ELOVL5: variants seen among roughly 807,000 people sequenced by gnomAD.
ELOVL5 encodes ELOVL fatty acid elongase 5.
Under a neutral mutation model 38.6 loss-of-function variants are expected in ELOVL5, and 8 were observed. The observed-to-expected ratio is 0.21, with a 90% CI of 0.12 to 0.37. The LOEUF (loss-of-function observed/expected upper bound fraction) is 0.37. ELOVL5 is among the 10% of genes least tolerant of loss of function. The probability of loss-of-function intolerance (pLI) is 1.00; values close to 1 mark genes in which losing one functional copy is unlikely to be tolerated. For synonymous variants in ELOVL5, 127 were observed against 133.7 expected (o/e 0.95, Z 0.34); for missense variants, 280 against 367.8 (o/e 0.76, Z 1.95).
intron 1 of ELOVL5, among the ~76,000 whole-genome samples, chr6:53,341,429 A>C (rs779777339): frequency 6.6e-6 from 1 of 152,212 alleles, no homozygotes; most frequent in African/African-American, 2.4e-5. Context: ...GGCCAAGATT[A>C]GAGTCTTTAA....
chr6:53,287,735 G>A (rs1022278159), intron 3 of ELOVL5: 9 of 781,736 alleles, frequency 1.2e-5, no homozygotes, highest in Admixed American at 8.6e-5. Flanking sequence ...TGGGGTTTGA[G>A]TAGAGCTCAG....
chr6:53,348,035 G>A (rs1347918188), intron 1 of ELOVL5, among the ~76,000 whole-genome samples: 3 of 129,828 alleles, frequency 2.3e-5, no homozygotes, highest in Non-Finnish European at 5.0e-5. Flanking sequence ...CCCCCGCCGC[G>A]CGCCTCCCTC....
intron 3 of ELOVL5, among the ~76,000 whole-genome samples, chr6:53,288,386 T>C (rs913809889): frequency 6.6e-6 from 1 of 152,218 alleles, no homozygotes; most frequent in African/African-American, 2.4e-5. Flanking sequence ...TTCTCTTCTA[T>C]AACCTGGAAT....
At chr6:53,297,269 A>C (rs1034369334) in intron 1 of ELOVL5, among the ~76,000 whole-genome samples, 3 of 152,148 alleles carry the variant, frequency 2.0e-5, no homozygotes, top group African/African-American at 7.2e-5. Context: ...GCAATCCAAC[A>C]ATTAAGATTT....
In ELOVL5 at chr6:53,324,896, T is replaced by C. The variant is rs184588106; in HGVS notation, c.-9+23921A>G. 3.1e-3 allele frequency among the ~76,000 whole-genome samples: 473 copies of C among 152,204 alleles called. 1 individual carries two copies. The highest frequency in any genetic ancestry group is 5.2e-3 in the Non-Finnish European group (353 of 68,008). On this transcript the variant is annotated intron_variant, in intron 1 of 7. Coordinates refer to ENST00000304434, the MANE Select transcript of ELOVL5 (RefSeq NM_021814.5). ...ACAGAAGAAACTTGCAGAGAGATGA[T>C]ATACAAACACTAGAAAAGGCCTAGG...
chr6:53,282,152 C>T (rs1766387225), intron 3 of ELOVL5, among the ~76,000 whole-genome samples: 1 of 152,220 alleles, frequency 6.6e-6, no homozygotes, highest in Non-Finnish European at 1.5e-5. Flanking sequence ...TCTGTCTTTG[C>T]TATGATCTTA....
intron 1 of ELOVL5, among the ~76,000 whole-genome samples, chr6:53,301,592 A>G (rs763090780): frequency 6.6e-6 from 1 of 152,164 alleles, no homozygotes; most frequent in Non-Finnish European, 1.5e-5. Context: ...CCAGAATTAC[A>G]GGTTACAACA....
At chr6:53,301,506 T>C (rs893630394) in intron 1 of ELOVL5, among the ~76,000 whole-genome samples, 4 of 152,182 alleles carry the variant, frequency 2.6e-5, no homozygotes, top group Admixed American at 2.6e-4. Flanking sequence ...AAGACCACGC[T>C]GACACCAAGC....
intron 1 of ELOVL5, among the ~76,000 whole-genome samples, chr6:53,332,680 T>C (rs1768860705): frequency 6.6e-6 from 1 of 152,080 alleles, no homozygotes; most frequent in Admixed American, 6.5e-5. Flanking sequence ...AAGTCAAAAA[T>C]TCATTTTTCT....
At chr6:53,291,667 G>A (rs1766779130) in intron 3 of ELOVL5, 109 bp downstream of exon 3, 6 of 791,648 alleles carry the variant, frequency 7.6e-6, no homozygotes, top group Admixed American at 2.8e-5. Flanking sequence ...TGCTTGCCCA[G>A]TTGTCTCTAC....
chr6:53,284,415 A>T (rs1445279668), intron 3 of ELOVL5, among the ~76,000 whole-genome samples: 1 of 152,174 alleles, frequency 6.6e-6, no homozygotes, highest in East Asian at 1.9e-4. Context: ...GGAGAATAGA[A>T]ATACTGACTC....
At chr6:53,278,557 C>CA (rs1236491179) in intron 3 of ELOVL5, among the ~76,000 whole-genome samples, 1 of 152,170 alleles carries the variant, frequency 6.6e-6, no homozygotes, top group East Asian at 1.9e-4. Context: ...GCAGGGGAAT[C>CA]CATGTATAAA....
At chr6:53,321,812 G>T (rs1018368714) in intron 1 of ELOVL5, among the ~76,000 whole-genome samples, 1 of 152,182 alleles carries the variant, frequency 6.6e-6, no homozygotes, top group Non-Finnish European at 1.5e-5. Context: ...TGTGTAAAGA[G>T]CCATTTCGGC....
At chr6:53,324,245 TC>T (rs1205016813) in intron 1 of ELOVL5, among the ~76,000 whole-genome samples, 1 of 100,358 alleles carries the variant, frequency 1.0e-5, no homozygotes, top group Non-Finnish European at 1.8e-5. Context: ...AGAACGAGAC[TC>T]TACCTCAAAA....
intron 2 of ELOVL5, chr6:53,294,123 T>C (rs1766884054): frequency 7.1e-7 from 1 of 1,403,620 alleles, no homozygotes; most frequent in East Asian, 2.5e-5. Flanking sequence ...CTTTGCTTTA[T>C]TCATTTTCCC....
chr6:53,296,427 A>C (rs1366387929), intron 1 of ELOVL5, among the ~76,000 whole-genome samples: 1 of 152,198 alleles, frequency 6.6e-6, no homozygotes, highest in African/African-American at 2.4e-5. Flanking sequence ...AAAAATAATA[A>C]TTGATCATAG....
rs142676449 is a variant in ELOVL5 at position 53,296,832 on chromosome 6, G to A, written c.-8-1125C>T. 2.9e-3 allele frequency among the ~76,000 whole-genome samples: 435 copies of A among 152,274 alleles called. 4 individuals carry two copies. Among genetic ancestry groups the A allele is most frequent in the African/African-American group, 9.9e-3 (411 of 41,564 alleles). ...ATCATCAATATTATAACGTCCAAGG[G>A]CAAAGGCAGAACTGATTTTATTAAC... On this transcript the variant is annotated intron_variant, in intron 1 of 7. Transcript: ENST00000304434.
intron 1 of ELOVL5, among the ~76,000 whole-genome samples, chr6:53,296,056 T>G (rs1163393015): frequency 6.6e-6 from 1 of 152,174 alleles, no homozygotes; most frequent in Non-Finnish European, 1.5e-5. Context: ...AGATCCTGTC[T>G]GGGCAACAAC....
chr6:53,339,319 C>T (rs959112190), intron 1 of ELOVL5, among the ~76,000 whole-genome samples: 2 of 152,138 alleles, frequency 1.3e-5, no homozygotes, highest in African/African-American at 2.4e-5. Flanking sequence ...ATACTTATAG[C>T]CATTACAATG....
Sources: allele counts gnomAD v4.1 joint callset (sites outside exome capture counted in the v4.1 genomes callset), GRCh38; gene constraint gnomAD v4.1.1; transcripts MANE v1.5; gene names NCBI Gene and HGNC (gene_info 2026-07-23, HGNC 2026-07-21).